The following LCTL variants were observed in gnomAD, a reference collection of about 807,000 sequenced individuals.
LCTL encodes the protein lactase-like protein.
Under a neutral mutation model 75.8 loss-of-function variants are expected in LCTL, and 76 were observed. That is an observed-to-expected ratio of 1.00 (90% CI 0.83 to 1.21). The LOEUF (loss-of-function observed/expected upper bound fraction) is 1.21, where lower values mean the gene tolerates loss of function less well. LCTL is among the 50% of genes most tolerant of loss of function. LCTL has a pLI of 0.00. For missense variants in LCTL, 670 were observed against 712.4 expected (o/e 0.94, Z 0.68); for synonymous variants, 271 against 268.8 (o/e 1.01, Z -0.08).
intron 9 of LCTL, 26 bp from the exon 11 acceptor site, chr15:66,552,195 A>G: frequency 6.3e-7 from 1 of 1,595,070 alleles, no homozygotes. Flanking sequence ...AGCAACAAAT[A>G]TCTTAAAAAT....
At chr15:66,555,939 A>C (rs1183642557) in intron 8 of LCTL, among the ~76,000 whole-genome samples, 2 of 152,186 alleles carry the variant, frequency 1.3e-5, no homozygotes, top group African/African-American at 4.8e-5. Flanking sequence ...GGGAAACACA[A>C]ATCAAAACTG....
exon 9 of LCTL, chr15:66,553,177 G>A: frequency 6.2e-7 from 1 of 1,611,092 alleles, no homozygotes; most frequent in Non-Finnish European, 8.5e-7. Flanking sequence ...GAAATCGGAT[G>A]TGCCTTTAAT....
At chr15:66,553,339 T>C in intron 8 of LCTL, 81 bp from the exon 10 acceptor site, 1 of 1,183,506 alleles carries the variant, frequency 8.4e-7, no homozygotes, top group Middle Eastern at 2.1e-4. Flanking sequence ...GATAGTGACA[T>C]CTTGACATAA....
exon 13 of LCTL, chr15:66,548,552 A>G: frequency 6.2e-7 from 1 of 1,613,824 alleles, no homozygotes; most frequent in Non-Finnish European, 8.5e-7. Context: ...CAGAGGGAGC[A>G]GACAGTGGGT....
chr15:66,557,922 A>C, intron 7 of LCTL, 39 bp from the exon 9 acceptor site: 1 of 1,610,508 alleles, frequency 6.2e-7, no homozygotes, highest in Non-Finnish European at 8.5e-7. Flanking sequence ...GGGAGTGGGC[A>C]TGCCATTGCT....
chr15:66,560,994 G>A lies in LCTL; in HGVS notation c.705+12C>T, dbSNP rs1252864787. 1.2e-6 allele frequency: 2 copies of A among 1,612,594 alleles called. No individual in the cohort carries two copies. On this transcript the variant is annotated intron_variant, in intron 6 of 12. Coordinates refer to ENST00000341509, the Ensembl canonical transcript of LCTL. ...CCTGAGGCTGTTCCTCCACCAGAAG[G>A]ACCCACCTCACCTTAATGATGTGGT...
chr15:66,551,673 T>C (rs1050349561), exon 11 of LCTL: 2 of 1,613,848 alleles, frequency 1.2e-6, no homozygotes, highest in African/African-American at 2.7e-5. Flanking sequence ...TCTCTTGGAT[T>C]GGGAAACCCA....
intron 8 of LCTL, among the ~76,000 whole-genome samples, chr15:66,554,086 C>T (rs1258300216): frequency 6.6e-6 from 1 of 151,674 alleles, no homozygotes; most frequent in Non-Finnish European, 1.5e-5. Flanking sequence ...TGTTTAGGAG[C>T]TTGAGATCAG....
At chr15:66,552,611 A>C (rs777658026) in intron 9 of LCTL, among the ~76,000 whole-genome samples, 85 of 146,844 alleles carry the variant, frequency 5.8e-4, no homozygotes, top group Admixed American at 1.9e-3. Flanking sequence ...CAGAGGTGGC[A>C]GTGAGCCGAG....
intron 6 of LCTL, among the ~76,000 whole-genome samples, chr15:66,559,521 C>T (rs914680221): frequency 6.6e-6 from 1 of 152,184 alleles, no homozygotes; most frequent in African/African-American, 2.4e-5. Context: ...GCCTGGCCAA[C>T]ATGGTGAAAC....
exon 11 of LCTL, chr15:66,551,748 C>G (rs770321839): frequency 6.2e-7 from 1 of 1,613,888 alleles, no homozygotes; most frequent in South Asian, 1.1e-5. Context: ...TTATTTCTGT[C>G]GTTAAATTCA....
chr15:66,563,682 C>T, intron 3 of LCTL, 57 bp from the exon 5 acceptor site: 1 of 1,298,324 alleles, frequency 7.7e-7, no homozygotes, highest in Non-Finnish European at 1.1e-6. Flanking sequence ...TGGCCTTGGC[C>T]TTCTGGAGTG....
intron 6 of LCTL, among the ~76,000 whole-genome samples, chr15:66,559,115 A>G (rs971886484): frequency 2.7e-5 from 4 of 150,726 alleles, no homozygotes; most frequent in Admixed American, 6.6e-5. Flanking sequence ...CTCCTGCTCA[A>G]GTGATCATCC....
rs879468745 is a variant in LCTL, at chr15:66,550,524, A to C, written c.1525-420T>G. 1.1e-4 allele frequency among the ~76,000 whole-genome samples: 16 copies of C among 152,288 alleles called. No homozygotes were observed. The East Asian group carries it at 3.1e-3, about 29-fold the overall frequency. On this transcript the variant is annotated intron_variant, in intron 11 of 12. Transcript: ENST00000341509. Reference sequence around the variant, plus strand: ...GAAACAGAGTCTTGCTCTGTTGCCCAGGCTGGAGTGCAGTGGAGCAATCAT... The same window carrying C: ...GAAACAGAGTCTTGCTCTGTTGCCCCGGCTGGAGTGCAGTGGAGCAATCAT...
intron 8 of LCTL, among the ~76,000 whole-genome samples, chr15:66,553,836 G>A (rs1176238241): frequency 6.6e-6 from 1 of 151,898 alleles, no homozygotes; most frequent in East Asian, 1.9e-4. Context: ...GTAGAGTTGG[G>A]CTCCTATATT....
At chr15:66,558,669 TTGTG>T (rs1163022765) in intron 6 of LCTL, among the ~76,000 whole-genome samples, 5 of 137,884 alleles carry the variant, frequency 3.6e-5, no homozygotes, top group African/African-American at 8.2e-5. Flanking sequence ...TCTGTGGTTT[TTGTG>T]TGTGTGTGTG....
At chr15:66,555,157 G>A (rs1246036141) in intron 8 of LCTL, among the ~76,000 whole-genome samples, 1 of 151,950 alleles carries the variant, frequency 6.6e-6, no homozygotes, top group Non-Finnish European at 1.5e-5. Context: ...ATAAAATATT[G>A]GCACATTATT....
chr15:66,565,504 C>T (rs1197903517), upstream of LCTL: 8 of 598,938 alleles, frequency 1.3e-5, no homozygotes, highest in Non-Finnish European at 2.4e-5. Context: ...GATCTGCACC[C>T]AGCAGCAGAG....
chr15:66,564,851 G>C lies in LCTL; in HGVS notation c.119-12C>G. 1 of 1,607,336 alleles carries C rather than the reference G, an allele frequency of 6.2e-7. No individual in the cohort carries two copies. Among genetic ancestry groups the C allele is most frequent in the Non-Finnish European group, 8.5e-7 (1 of 1,179,008 alleles). ...GCCCCAGGAGAAGCCTGCAGGGGGA[G>C]ACCCGTGCTGGGTCCCAGGTGCTCC... On this transcript the variant is annotated splice_polypyrimidine_tract_variant and intron_variant, in intron 1 of 12. Coordinates refer to ENST00000341509, the Ensembl canonical transcript of LCTL.
Sources: gnomAD v4.1 joint callset for allele counts (sites outside exome capture counted in the v4.1 genomes callset) on GRCh38, gnomAD v4.1.1 for gene constraint, MANE v1.5 for transcripts, NCBI Gene and HGNC (gene_info 2026-07-23, HGNC 2026-07-21) for gene names.